The following MNAT1 variants were observed in gnomAD, a reference collection of about 807,000 sequenced individuals.
The protein encoded by MNAT1 is MNAT1 component of CDK activating kinase, also known as CDK-activating kinase assembly factor MAT1.
MNAT1 carries 43 observed loss-of-function variants against 42.0 expected under a neutral mutation model. The ratio of observed to expected loss-of-function variants is 1.02; its 90% CI spans 0.80 to 1.32. The LOEUF is 1.32. Ranked by LOEUF, MNAT1 falls within the 40% of genes most tolerant of loss-of-function variation. The pLI, the probability that MNAT1 is intolerant of heterozygous loss-of-function variation, is 0.00. For synonymous variants in MNAT1, 118 were observed against 120.0 expected, an observed-to-expected ratio of 0.98 and a Z score of 0.11; for missense variants, 306 against 350.4, an observed-to-expected ratio of 0.87 and a Z score of 1.01.
chr14:60,857,722 C>G (rs1449265059), intron 6 of MNAT1, among the ~76,000 whole-genome samples: 9 of 152,028 alleles, frequency 5.9e-5, no homozygotes, highest in African/African-American at 1.7e-4. Context: ...TATCCCTCCC[C>G]CAGCCCCCCA....
chr14:60,836,895 C>T (rs568981728), intron 6 of MNAT1, among the ~76,000 whole-genome samples: 1 of 152,316 alleles, frequency 6.6e-6, no homozygotes, highest in African/African-American at 2.4e-5. Flanking sequence ...TACCTATAAG[C>T]CCCTTACTGG....
intron 7 of MNAT1, among the ~76,000 whole-genome samples, chr14:60,926,044 T>C (rs2035757361): frequency 6.6e-6 from 1 of 152,194 alleles, no homozygotes; most frequent in Non-Finnish European, 1.5e-5. Flanking sequence ...TGGACTTTCA[T>C]CACAATACTG....
At chr14:60,845,702 C>T (rs1324614096) in intron 6 of MNAT1, among the ~76,000 whole-genome samples, 1 of 152,092 alleles carries the variant, frequency 6.6e-6, no homozygotes, top group African/African-American at 2.4e-5. Context: ...ACTCCGAGCC[C>T]TAGGCAACCA....
intron 1 of MNAT1, among the ~76,000 whole-genome samples, chr14:60,790,618 A>G (rs2031787687): frequency 6.6e-6 from 1 of 152,136 alleles, no homozygotes; most frequent in Non-Finnish European, 1.5e-5. Flanking sequence ...AGCAAGCTGT[A>G]CTCGACCACT....
chr14:60,859,180 C>T (rs1333843911), intron 6 of MNAT1, among the ~76,000 whole-genome samples: 1 of 152,132 alleles, frequency 6.6e-6, no homozygotes, highest in Non-Finnish European at 1.5e-5. Context: ...AAGGTGTATA[C>T]TTCAGTGGAT....
At chr14:60,758,390 A>G (rs2140298032) in intron 1 of MNAT1, among the ~76,000 whole-genome samples, 1 of 152,044 alleles carries the variant, frequency 6.6e-6, no homozygotes, top group East Asian at 1.9e-4. Flanking sequence ...TTTTGTAGAG[A>G]CAGAGTCTTA....
chr14:60,966,948 CTGAGA>C (rs2036693317), intron 7 of MNAT1, among the ~76,000 whole-genome samples: 2 of 151,926 alleles, frequency 1.3e-5, no homozygotes, highest in South Asian at 2.1e-4. Context: ...TAAAACATAT[CTGAGA>C]TATGTTTTAT....
intron 6 of MNAT1, among the ~76,000 whole-genome samples, chr14:60,857,263 A>G (rs529089941): frequency 6.6e-6 from 1 of 152,346 alleles, no homozygotes; most frequent in South Asian, 2.1e-4. Context: ...ATATTTTGGA[A>G]GTTTCGGAAG....
chr14:60,940,872 A>G (rs1226338777), intron 7 of MNAT1, among the ~76,000 whole-genome samples: 1 of 152,152 alleles, frequency 6.6e-6, no homozygotes, highest in East Asian at 1.9e-4. Context: ...CAAAATTAGA[A>G]TAGCCTGAGA....
At chr14:60,888,628 C>T (rs1326218498) in intron 7 of MNAT1, among the ~76,000 whole-genome samples, 270 of 149,916 alleles carry the variant, frequency 1.8e-3, no homozygotes, top group African/African-American at 6.4e-3. Context: ...AAATAAAGGG[C>T]ATTCAATTAG....
intron 1 of MNAT1, among the ~76,000 whole-genome samples, chr14:60,777,867 G>A (rs2031308182): frequency 6.6e-6 from 1 of 152,092 alleles, no homozygotes; most frequent in Non-Finnish European, 1.5e-5. Context: ...GAACAAAGTA[G>A]ACCATAACAA....
At chr14:60,911,284 T>G (rs1218047580) in intron 7 of MNAT1, among the ~76,000 whole-genome samples, 1 of 152,192 alleles carries the variant, frequency 6.6e-6, no homozygotes, top group Non-Finnish European at 1.5e-5. Context: ...AGCTCCTGGA[T>G]TCATTGATTT....
At chr14:60,839,782 C>T (rs2033494225) in intron 6 of MNAT1, among the ~76,000 whole-genome samples, 1 of 152,230 alleles carries the variant, frequency 6.6e-6, no homozygotes, top group African/African-American at 2.4e-5. Context: ...CAGCCTCAGG[C>T]TTGCATGGAG....
At position 60,943,053 on chromosome 14, in the gene MNAT1, C is replaced by CTTTTTT. The variant is rs377454616; in HGVS notation, c.810-25163_810-25158dup. Reference sequence around the variant, plus strand: ...GTGTGTGTGTGTGTGTGTGTGTGCGCTTTTTTTTTTTTTTTTTTGAGACGG... The same window carrying CTTTTTT: ...GTGTGTGTGTGTGTGTGTGTGTGCGCTTTTTTTTTTTTTTTTTTTTTTTTGAGACGG... On this transcript the variant is annotated intron_variant, in intron 7 of 7. Coordinates refer to ENST00000261245, the MANE Select transcript of MNAT1 (RefSeq NM_002431.4). Among the ~76,000 whole-genome samples the CTTTTTT allele has an allele frequency of 7.5e-5, 4 of 53,102 alleles. 1 individual carries two copies. Among genetic ancestry groups the CTTTTTT allele is most frequent in the African/African-American group, 1.5e-4 (2 of 13,444 alleles). 34.8% of individuals were successfully genotyped at this position (53,102 alleles called of 152,430 possible).
At chr14:60,819,715 A>G (rs2032823469) in intron 6 of MNAT1, among the ~76,000 whole-genome samples, 1 of 152,168 alleles carries the variant, frequency 6.6e-6, no homozygotes, top group Non-Finnish European at 1.5e-5. Flanking sequence ...ATGGTTACGG[A>G]TTTGGACTTT....
chr14:60,904,976 C>CTTTTTTTTTTTTTTTTTTTTT (rs3081651), intron 7 of MNAT1, among the ~76,000 whole-genome samples: 3 of 79,010 alleles, frequency 3.8e-5, no homozygotes, highest in African/African-American at 8.9e-5. Flanking sequence ...TCAGCAGTTC[C>CTTTTTTTTTTTTTTTTTTTTT]TTTTTTTTTT....
chr14:60,830,952 T>C (rs969428651), intron 6 of MNAT1, among the ~76,000 whole-genome samples: 6 of 152,142 alleles, frequency 3.9e-5, no homozygotes, highest in African/African-American at 1.4e-4. Context: ...AATGGATACA[T>C]TCCCATTCTG....
At chr14:60,940,889 AT>A (rs1299944174) in intron 7 of MNAT1, among the ~76,000 whole-genome samples, 3 of 151,732 alleles carry the variant, frequency 2.0e-5, no homozygotes, top group Non-Finnish European at 2.9e-5. Flanking sequence ...GAGAAGCTCA[AT>A]TTAAAAAAAA....
intron 7 of MNAT1, among the ~76,000 whole-genome samples, chr14:60,936,221 T>TTG (rs980679321): frequency 3.3e-5 from 5 of 152,232 alleles, no homozygotes; most frequent in East Asian, 1.9e-4. Context: ...GACCCCTTTT[T>TTG]TGTGTGTGTG....
Sources: gnomAD v4.1 joint callset for allele counts (sites outside exome capture counted in the v4.1 genomes callset) on GRCh38, gnomAD v4.1.1 for gene constraint, MANE v1.5 for transcripts, NCBI Gene and HGNC (gene_info 2026-07-23, HGNC 2026-07-21) for gene names.